Variants in FMN1 observed in about 807,000 individuals in gnomAD.
The protein encoded by FMN1 is formin 1.
FMN1 carries 110 observed loss-of-function variants against 132.4 expected under a neutral mutation model. That is an observed-to-expected ratio of 0.83 (90% CI 0.71 to 0.97). The LOEUF (loss-of-function observed/expected upper bound fraction) is 0.97, where lower values mean the gene tolerates loss of function less well. Among genes scored for constraint, FMN1 ranks in the 50% least tolerant of loss-of-function variants. The pLI is 0.00. For missense variants in FMN1, 1,792 were observed against 1,705.3 expected, an observed-to-expected ratio of 1.05 and a Z score of -0.90; for synonymous variants, 722 against 651.7, an observed-to-expected ratio of 1.11 and a Z score of -1.64.
chr15:33,102,091 C>T (rs936577577), intron 4 of FMN1, among the ~76,000 whole-genome samples: 7 of 152,060 alleles, frequency 4.6e-5, no homozygotes, highest in Admixed American at 1.3e-4. Context: ...TTTGGGTGTA[C>T]TCTGTACATG....
At chr15:32,982,037 A>G (rs757413871) in intron 7 of FMN1, among the ~76,000 whole-genome samples, 66 of 152,184 alleles carry the variant, frequency 4.3e-4, no homozygotes, top group Admixed American at 1.1e-3. Flanking sequence ...AACAAAAATA[A>G]GGAAAAAAAA....
In FMN1 at chr15:33,186,464, A is replaced by G. The variant is rs146294121; in HGVS notation, c.-196-6202T>C. On this transcript the variant is annotated intron_variant, in intron 2 of 20. Transcript: ENST00000616417. The stretch of plus-strand genomic sequence containing the variant: ...TTTATCAGTGACCCTGCTACAAAAC[A>G]GTGCTGACAGTTTTAAATGTTCCTC... 4.8e-3 allele frequency among the ~76,000 whole-genome samples: 731 copies of G among 151,792 alleles called. 7 individuals are homozygous for G. Among genetic ancestry groups the G allele is most frequent in the African/African-American group, 0.017 (704 of 41,502 alleles).
At chr15:32,810,312 A>C (rs1567204731) in intron 17 of FMN1, among the ~76,000 whole-genome samples, 1 of 152,228 alleles carries the variant, frequency 6.6e-6, no homozygotes, top group Non-Finnish European at 1.5e-5. Flanking sequence ...TTTTTGGCAC[A>C]GAAATTTCTA....
intron 17 of FMN1, among the ~76,000 whole-genome samples, chr15:32,811,834 T>C (rs1188319837): frequency 1.3e-5 from 2 of 152,012 alleles, no homozygotes; most frequent in Non-Finnish European, 2.9e-5. Flanking sequence ...CTGGCTAATT[T>C]TTGTAGTTTC....
chr15:32,786,850 C>T (rs1404958866), intron 19 of FMN1, among the ~76,000 whole-genome samples: 1 of 152,224 alleles, frequency 6.6e-6, no homozygotes, highest in Admixed American at 6.5e-5. Flanking sequence ...AGAAGTAAGG[C>T]TCTGTCCACT....
At chr15:32,829,836 A>G (rs938235197) in intron 17 of FMN1, among the ~76,000 whole-genome samples, 1 of 152,170 alleles carries the variant, frequency 6.6e-6, no homozygotes, top group Admixed American at 6.5e-5. Flanking sequence ...GAACTCTTCA[A>G]GTTGTGAGAC....
At chr15:32,962,784 C>A (rs1018120202) in intron 9 of FMN1, among the ~76,000 whole-genome samples, 1 of 151,418 alleles carries the variant, frequency 6.6e-6, no homozygotes, top group Non-Finnish European at 1.5e-5. Flanking sequence ...AAATCAAAAC[C>A]ACAATGAGAT....
At chr15:32,941,879 C>A (rs1017529682) in intron 9 of FMN1, among the ~76,000 whole-genome samples, 2 of 152,080 alleles carry the variant, frequency 1.3e-5, no homozygotes, top group African/African-American at 4.8e-5. Context: ...TTTTGAGGGA[C>A]GTTAGCAAGC....
At chr15:33,170,579 A>G (rs1965283715) in intron 3 of FMN1, among the ~76,000 whole-genome samples, 1 of 152,080 alleles carries the variant, frequency 6.6e-6, no homozygotes, top group African/African-American at 2.4e-5. Flanking sequence ...ACCCGTTGAA[A>G]AATGGGCAAA....
intron 19 of FMN1, among the ~76,000 whole-genome samples, chr15:32,792,846 T>C (rs2057138231): frequency 6.6e-6 from 1 of 152,192 alleles, no homozygotes; most frequent in African/African-American, 2.4e-5. Context: ...ATAAGGACCT[T>C]ACCTTAAGGA....
At chr15:33,051,229 T>G (rs967635689) in intron 6 of FMN1, among the ~76,000 whole-genome samples, 1 of 152,184 alleles carries the variant, frequency 6.6e-6, no homozygotes, top group African/African-American at 2.4e-5. Context: ...CTTCTATCCT[T>G]CCTGAGAATC....
chr15:32,794,306 C>G (rs1234305185), intron 19 of FMN1, among the ~76,000 whole-genome samples: 1 of 152,172 alleles, frequency 6.6e-6, no homozygotes, highest in Non-Finnish European at 1.5e-5. Flanking sequence ...ACTTCTAATT[C>G]ACTCATTACT....
chr15:33,058,084 A>AG (rs2037314065), intron 6 of FMN1, among the ~76,000 whole-genome samples: 59 of 109,318 alleles, frequency 5.4e-4, no homozygotes, highest in Non-Finnish European at 9.9e-4. Context: ...GAAAGGTGTG[A>AG]TGGGGGTGCT....
intron 7 of FMN1, among the ~76,000 whole-genome samples, chr15:32,992,737 A>G (rs544854855): frequency 6.6e-6 from 1 of 152,284 alleles, no homozygotes; most frequent in African/African-American, 2.4e-5. Flanking sequence ...TGAAATTTTT[A>G]CTATAAAGGG....
chr15:33,029,091 A>G (rs16963688), intron 6 of FMN1, among the ~76,000 whole-genome samples: 33,894 of 152,126 alleles, frequency 0.22, 4,789 homozygotes, highest in Non-Finnish European at 0.31. Flanking sequence ...TAATACCATA[A>G]AAATCAGAAT....
chr15:33,007,308 C>G (rs1157778896), intron 7 of FMN1, among the ~76,000 whole-genome samples: 1 of 152,160 alleles, frequency 6.6e-6, no homozygotes, highest in African/African-American at 2.4e-5. Flanking sequence ...TGCTGTCATT[C>G]TCTCCTGAAG....
At chr15:32,996,941 A>C (rs1451476752) in intron 7 of FMN1, among the ~76,000 whole-genome samples, 1 of 152,214 alleles carries the variant, frequency 6.6e-6, no homozygotes, top group Non-Finnish European at 1.5e-5. Context: ...ATTAAAGTTA[A>C]AGAACAGCTG....
intron 6 of FMN1, among the ~76,000 whole-genome samples, chr15:33,009,201 T>G (rs747242087): frequency 6.6e-6 from 1 of 152,158 alleles, no homozygotes; most frequent in Non-Finnish European, 1.5e-5. Context: ...TAGTGACCAC[T>G]TGTCATTATC....
At chr15:33,156,967 G>A (rs1964694770) in intron 3 of FMN1, among the ~76,000 whole-genome samples, 1 of 152,102 alleles carries the variant, frequency 6.6e-6, no homozygotes, top group Admixed American at 6.5e-5. Flanking sequence ...GGGGAGGAGT[G>A]TTAAAAATTT....
Sources: gnomAD v4.1 joint callset for allele counts (sites outside exome capture counted in the v4.1 genomes callset) on GRCh38, gnomAD v4.1.1 for gene constraint, MANE v1.5 for transcripts, NCBI Gene and HGNC (gene_info 2026-07-23, HGNC 2026-07-21) for gene names.